The following MTHFD1L variants were observed in gnomAD, a reference collection of about 807,000 sequenced individuals.
The protein encoded by MTHFD1L is methylenetetrahydrofolate dehydrogenase (NADP+ dependent) 1 like.
Under a neutral mutation model 119.5 loss-of-function variants are expected in MTHFD1L, and 81 were observed. The ratio of observed to expected loss-of-function variants is 0.68; its 90% CI spans 0.57 to 0.82. MTHFD1L has a LOEUF of 0.82. MTHFD1L is among the 40% of genes least tolerant of loss of function. MTHFD1L has a pLI of 0.00. For synonymous variants in MTHFD1L, 430 were observed against 475.2 expected (o/e 0.90, Z 1.24); for missense variants, 1,125 against 1,253.4 (o/e 0.90, Z 1.55).
intron 20 of MTHFD1L, among the ~76,000 whole-genome samples, chr6:151,003,715 A>G (rs192653337): frequency 4.6e-5 from 7 of 152,324 alleles, no homozygotes; most frequent in Admixed American, 2.6e-4. Context: ...GTAGGGGTTC[A>G]GTAATTATTG....
At chr6:150,972,903 T>A (rs1481488294) in intron 20 of MTHFD1L, among the ~76,000 whole-genome samples, 2 of 152,220 alleles carry the variant, frequency 1.3e-5, no homozygotes, top group Admixed American at 6.5e-5. Context: ...CTCTTTGGCT[T>A]TTCTTGCATA....
rs115125125 is a variant in MTHFD1L at position 150,871,450 on chromosome 6, A to G, written c.228-4640A>G. On this transcript the variant is annotated intron_variant, in intron 1 of 27. Coordinates refer to ENST00000367321, the MANE Select transcript of MTHFD1L (RefSeq NM_015440.5). ...TCAAAATGGGCGTCAATCCTCTCAA[A>G]CCCTGCAACTGCTTTACCAAGTACT... Among the ~76,000 whole-genome samples the G allele has an allele frequency of 5.5e-3, 819 of 149,046 alleles. 9 individuals carry two copies. Among genetic ancestry groups the G allele is most frequent in the African/African-American group, 0.019 (761 of 40,520 alleles).
chr6:150,980,796 C>A (rs1777375295), intron 20 of MTHFD1L, among the ~76,000 whole-genome samples: 1 of 151,778 alleles, frequency 6.6e-6, no homozygotes. Flanking sequence ...TTCCCGTGGA[C>A]CCTCCTGATC....
intron 20 of MTHFD1L, among the ~76,000 whole-genome samples, chr6:150,975,072 C>T (rs1776362969): frequency 2.6e-5 from 4 of 152,176 alleles, no homozygotes; most frequent in Admixed American, 2.6e-4. Context: ...GAATAATATT[C>T]CATCGTATGG....
intron 26 of MTHFD1L, among the ~76,000 whole-genome samples, chr6:151,090,368 G>T (rs1397229654): frequency 6.6e-6 from 1 of 152,226 alleles, no homozygotes; most frequent in African/African-American, 2.4e-5. Flanking sequence ...GGGGGCTGAG[G>T]CCACATTGTG....
rs1048845909 is a variant in MTHFD1L, at chr6:150,888,047, G to A, written c.780+66G>A. 6 of 1,472,014 alleles carry A rather than the reference G, an allele frequency of 4.1e-6. No individual in the cohort carries two copies. In the African/African-American group the frequency reaches 5.7e-5, roughly 14 times the overall value. The allele number at this position is 1,472,014 out of a possible 1,614,324, so 91.2% of individuals were successfully genotyped here. A position where few individuals can be genotyped will look rare whatever the true frequency, so the allele number is the denominator to read the frequency against. On this transcript the variant is annotated intron_variant, in intron 7 of 27. Transcript: ENST00000367321. ...TTAGAACAGAAGAAAGTCTAGAAAT[G>A]TATAAGCTAAGTGCTTAATTCAAGA...
At chr6:150,922,641 C>A (rs1019134278) in intron 10 of MTHFD1L, among the ~76,000 whole-genome samples, 2 of 89,884 alleles carry the variant, frequency 2.2e-5, no homozygotes, top group Admixed American at 1.6e-4. Flanking sequence ...GTTTTCCCCC[C>A]CCACCCTTTT....
At position 151,101,664 on chromosome 6, in the gene MTHFD1L, A is replaced by G. The variant is rs183358582; in HGVS notation, c.*170A>G. 1.1e-4 allele frequency: 17 copies of G among 152,772 alleles called. No homozygotes were observed. The highest frequency in any genetic ancestry group is 3.3e-4 in the Admixed American group (5 of 15,302). 9.5% of individuals were successfully genotyped at this position (152,772 alleles called of 1,614,324 possible). On this transcript the variant is annotated 3_prime_UTR_variant, in exon 28 of 28. Coordinates refer to ENST00000367321, the MANE Select transcript of MTHFD1L (RefSeq NM_015440.5). ...TCTTCGTTCAAGATGAATTCTGTTC[A>G]CAGTGGAGTATGGTGTTCGGCAAAA...
chr6:151,052,436 A>G (rs1789207272), intron 26 of MTHFD1L, among the ~76,000 whole-genome samples: 1 of 152,178 alleles, frequency 6.6e-6, no homozygotes, highest in African/African-American at 2.4e-5. Flanking sequence ...CATGCAAACA[A>G]AGGGCTCACA....
chr6:150,956,058 G>T lies in MTHFD1L; in HGVS notation c.1790G>T (p.Gly597Val). The T allele has an allele frequency of 6.2e-7, 1 of 1,613,978 alleles. No individual in the cohort carries two copies. Among genetic ancestry groups the T allele is most frequent in the Non-Finnish European group, 8.5e-7 (1 of 1,179,838 alleles). ...ITIGQGNTEK[G>V]HYRQAQFDIA... ...ATCGGGCAGGGAAACACAGAGAAGG[G>T]CCATTACCGGCAGGTAGGTGGTGCT... Residue 597 changes from glycine to valine, a missense_variant, in exon 17 of 28, where the codon GGC (glycine) becomes GTC (valine). Gly to Val is a moderately radical substitution (Grantham distance 109). Around this residue, in one of 3 missense-constraint regions of MTHFD1L, gnomAD observed 1,058 missense variants for 1,151.2 expected, o/e 0.92. Coordinates refer to ENST00000367321, the MANE Select transcript of MTHFD1L (RefSeq NM_015440.5).
chr6:150,998,512 A>T (rs1780133744), intron 20 of MTHFD1L, among the ~76,000 whole-genome samples: 1 of 151,854 alleles, frequency 6.6e-6, no homozygotes, highest in Non-Finnish European at 1.5e-5. Context: ...TTGTTTACAC[A>T]GGTTAAGCAT....
At position 151,010,516 on chromosome 6, in the gene MTHFD1L, G is replaced by A. The variant is rs79806504; in HGVS notation, c.2265+558G>A. Among the ~76,000 whole-genome samples the A allele has an allele frequency of 1.1e-3, 164 of 152,220 alleles. 1 individual carries two copies. Among genetic ancestry groups the A allele is most frequent in the African/African-American group, 3.4e-3 (140 of 41,530 alleles). On this transcript the variant is annotated intron_variant, in intron 21 of 27. Coordinates refer to ENST00000367321, the MANE Select transcript of MTHFD1L (RefSeq NM_015440.5). ...CACAACTCTGTTATAATACTGGATT[G>A]TTTCTAAGAGCTTTGCTTGGAAAAC...
intron 24 of MTHFD1L, among the ~76,000 whole-genome samples, chr6:151,023,422 A>C (rs1030950090): frequency 6.6e-6 from 1 of 151,870 alleles, no homozygotes; most frequent in African/African-American, 2.4e-5. Flanking sequence ...CTTCTCCAAC[A>C]CTGGCTTCTA....
At chr6:150,972,926 A>G (rs986480649) in intron 20 of MTHFD1L, among the ~76,000 whole-genome samples, 1 of 152,246 alleles carries the variant, frequency 6.6e-6, no homozygotes, top group African/African-American at 2.4e-5. Flanking sequence ...CCAGCTAGAA[A>G]GAAGGGGCAA....
intron 8 of MTHFD1L, among the ~76,000 whole-genome samples, chr6:150,909,545 A>C (rs541577443): frequency 8.9e-4 from 135 of 152,302 alleles, no homozygotes; most frequent in African/African-American, 3.2e-3. Context: ...TGTCTGGCCT[A>C]AAAAAATTAT....
chr6:150,934,564 G>A (rs1791722741), intron 11 of MTHFD1L, among the ~76,000 whole-genome samples: 1 of 152,334 alleles, frequency 6.6e-6, no homozygotes, highest in South Asian at 2.1e-4. Context: ...GTACATAGCA[G>A]TACTTGACAA....
chr6:151,099,590 G>A (rs76626113), intron 27 of MTHFD1L: 48 of 1,609,472 alleles, frequency 3.0e-5, no homozygotes, highest in Middle Eastern at 1.7e-4. Flanking sequence ...AAGTTCATCC[G>A]GCACCAGTCA....
At chr6:150,904,744 C>T (rs1451077744) in intron 7 of MTHFD1L, among the ~76,000 whole-genome samples, 1 of 152,170 alleles carries the variant, frequency 6.6e-6, no homozygotes, top group African/African-American at 2.4e-5. Flanking sequence ...CAACTTCCTA[C>T]CAGACATGTT....
chr6:151,099,409 C>T, intron 27 of MTHFD1L: 1 of 714,056 alleles, frequency 1.4e-6, no homozygotes, highest in South Asian at 1.6e-5. Flanking sequence ...TCAAGGGATA[C>T]CAGAGCCACT....
Sources: allele counts gnomAD v4.1 joint callset (sites outside exome capture counted in the v4.1 genomes callset), GRCh38; gene constraint gnomAD v4.1.1; regional missense constraint gnomAD v4.1.1; transcripts MANE v1.5; gene names NCBI Gene and HGNC (gene_info 2026-07-23, HGNC 2026-07-21).